The following SGCZ variants were observed in gnomAD, a reference collection of about 807,000 sequenced individuals.
The protein encoded by SGCZ is zeta-sarcoglycan.
In SGCZ, 40 loss-of-function variants were observed where a neutral mutation model predicts 41.3. The observed-to-expected ratio is 0.97, with a 90% confidence interval of 0.75 to 1.26. The LOEUF (loss-of-function observed/expected upper bound fraction) is 1.26, where lower values mean the gene tolerates loss of function less well. Among genes scored for constraint, SGCZ ranks in the 50% most tolerant of loss-of-function variants. The probability of loss-of-function intolerance (pLI) is 0.00; values close to 1 mark genes in which losing one functional copy is unlikely to be tolerated. For missense variants in SGCZ, 552 were observed against 369.8 expected, an observed-to-expected ratio of 1.49 and a Z score of -4.04; for synonymous variants, 206 against 137.5, an observed-to-expected ratio of 1.50 and a Z score of -3.49.
intron 1 of SGCZ, among the ~76,000 whole-genome samples, chr8:14,741,443 T>C (rs1304330731): frequency 1.3e-5 from 2 of 152,104 alleles, no homozygotes; most frequent in Non-Finnish European, 2.9e-5. Flanking sequence ...GACACTTTTG[T>C]TTGTTTTACG....
chr8:14,377,486 C>A (rs1343571384), intron 2 of SGCZ, among the ~76,000 whole-genome samples: 3 of 150,642 alleles, frequency 2.0e-5, no homozygotes, highest in Admixed American at 6.6e-5. Context: ...ATCCTGAGAA[C>A]CCTTGATTTT....
intron 1 of SGCZ, among the ~76,000 whole-genome samples, chr8:14,789,644 G>C (rs1322404301): frequency 2.0e-5 from 3 of 152,028 alleles, no homozygotes; most frequent in Non-Finnish European, 4.4e-5. Flanking sequence ...CTTCCTCTCT[G>C]ACCCAGGACC....
intron 4 of SGCZ, among the ~76,000 whole-genome samples, chr8:14,177,963 T>TTTTTTTTTCTTTTTC (rs1804603479): frequency 2.4e-4 from 1 of 4,248 alleles, no homozygotes; most frequent in Non-Finnish European, 5.1e-4. Context: ...TTTTTCTTTT[T>TTTTTTTTTCTTTTTC]TTTTTTTTTT....
intron 4 of SGCZ, among the ~76,000 whole-genome samples, chr8:14,234,658 C>T (rs1806691860): frequency 6.6e-6 from 1 of 151,796 alleles, no homozygotes; most frequent in Non-Finnish European, 1.5e-5. Context: ...AGGCCATACA[C>T]ATAAAAACTG....
At chr8:14,972,776 G>A (rs1001628421) in intron 1 of SGCZ, among the ~76,000 whole-genome samples, 7 of 151,978 alleles carry the variant, frequency 4.6e-5, no homozygotes, top group East Asian at 1.9e-4. Flanking sequence ...GATAGCATAC[G>A]TCCATATCTG....
chr8:14,505,809 T>C (rs1173210594), intron 2 of SGCZ, among the ~76,000 whole-genome samples: 1 of 152,090 alleles, frequency 6.6e-6, no homozygotes, highest in African/African-American at 2.4e-5. Context: ...CTGGTCCCCA[T>C]ACTATAATGG....
chr8:14,359,155 C>A lies in SGCZ; in HGVS notation c.235-34951G>T, dbSNP rs1013324358. Reference sequence around the variant, plus strand: ...CAAGAAGACTATAGAACAGATTTAACCCAAATAAGAGTACGTGAAGATAAT... The same window carrying A: ...CAAGAAGACTATAGAACAGATTTAAACCAAATAAGAGTACGTGAAGATAAT... On this transcript the variant is annotated intron_variant, in intron 2 of 7. Coordinates refer to ENST00000382080, the MANE Select transcript of SGCZ (RefSeq NM_139167.4). Among the ~76,000 whole-genome samples, 11 of 151,898 alleles carry A rather than the reference C, an allele frequency of 7.2e-5. 2 individuals are homozygous for A. Among genetic ancestry groups the A allele is most frequent in the African/African-American group, 2.7e-4 (11 of 41,408 alleles).
intron 2 of SGCZ, among the ~76,000 whole-genome samples, chr8:14,389,385 T>G (rs183458850): frequency 7.4e-5 from 11 of 148,330 alleles, no homozygotes; most frequent in African/African-American, 2.5e-4. Context: ...ATGTTCAAAG[T>G]AGAAAATAAT....
At chr8:14,730,041 G>A (rs1236389283) in intron 1 of SGCZ, among the ~76,000 whole-genome samples, 8 of 152,146 alleles carry the variant, frequency 5.3e-5, no homozygotes, top group Non-Finnish European at 1.2e-4. Context: ...AGCCGAGATC[G>A]TGCCAGGGCA....
chr8:14,904,892 A>G (rs13256990), intron 1 of SGCZ, among the ~76,000 whole-genome samples: 81,957 of 151,576 alleles, frequency 0.54, 22,607 homozygotes, highest in African/African-American at 0.64. Context: ...ACCATTCTTT[A>G]TCTTTCAACT....
At chr8:14,681,117 CACA>C (rs1368214236) in intron 1 of SGCZ, among the ~76,000 whole-genome samples, 1 of 151,848 alleles carries the variant, frequency 6.6e-6, no homozygotes, top group African/African-American at 2.4e-5. Context: ...AAAACAGGCC[CACA>C]ACAACTGTAA....
rs117798609 is a variant in SGCZ, at chr8:14,259,202, T to G, written c.337-21523A>C. ...TTTATGCCATAGATAAAATACCTAC[T>G]GAGTTAATTAAAAACACACATGAAT... On this transcript the variant is annotated intron_variant, in intron 3 of 7. Coordinates refer to ENST00000382080, the MANE Select transcript of SGCZ (RefSeq NM_139167.4). Among the ~76,000 whole-genome samples, 537 of 152,302 alleles carry G rather than the reference T, an allele frequency of 3.5e-3. 18 individuals are homozygous for G. The East Asian group carries it at 0.054, about 15-fold the overall frequency.
chr8:14,363,644 A>C (rs940029557), intron 2 of SGCZ, among the ~76,000 whole-genome samples: 17 of 152,100 alleles, frequency 1.1e-4, no homozygotes, highest in Non-Finnish European at 2.1e-4. Flanking sequence ...AAAAGTAAGG[A>C]GCATTCAATC....
At chr8:14,965,802 T>C (rs950879974) in intron 1 of SGCZ, among the ~76,000 whole-genome samples, 1 of 152,150 alleles carries the variant, frequency 6.6e-6, no homozygotes, top group African/African-American at 2.4e-5. Flanking sequence ...CCAATGCTAG[T>C]AAGTACATAT....
intron 2 of SGCZ, among the ~76,000 whole-genome samples, chr8:14,483,155 A>T (rs1801580475): frequency 6.6e-6 from 1 of 152,162 alleles, no homozygotes; most frequent in Admixed American, 6.5e-5. Flanking sequence ...GCTTCCCTCA[A>T]TAGCCTGACT....
chr8:14,378,069 A>G lies in SGCZ; in HGVS notation c.235-53865T>C, dbSNP rs943634731. 2.1e-3 allele frequency among the ~76,000 whole-genome samples: 315 copies of G among 150,008 alleles called. 2 individuals are homozygous for G. Among genetic ancestry groups the G allele is most frequent in the African/African-American group, 3.6e-3 (143 of 40,142 alleles). On this transcript the variant is annotated intron_variant, in intron 2 of 7. Transcript: ENST00000382080. ...CAGTAATGGGATGGCTGGGTCAAAT[A>G]GTATTTCTAGTTCTAGATCCCTGAG...
intron 1 of SGCZ, among the ~76,000 whole-genome samples, chr8:15,151,269 G>C (rs1799172159): frequency 6.6e-6 from 1 of 152,176 alleles, no homozygotes. Flanking sequence ...CTCCAAGAGA[G>C]ACCATGAGCC....
intron 2 of SGCZ, among the ~76,000 whole-genome samples, chr8:14,538,765 C>T (rs1049934443): frequency 6.6e-6 from 1 of 151,762 alleles, no homozygotes; most frequent in Non-Finnish European, 1.5e-5. Flanking sequence ...GTAAAAGATG[C>T]TATATGCTGT....
intron 1 of SGCZ, among the ~76,000 whole-genome samples, chr8:14,858,136 C>T (rs1803604015): frequency 6.6e-6 from 1 of 151,900 alleles, no homozygotes. Context: ...GCTTTTTGAT[C>T]TTGACAACCC....
Sources: gnomAD v4.1 joint callset for allele counts (sites outside exome capture counted in the v4.1 genomes callset) on GRCh38, gnomAD v4.1.1 for gene constraint, MANE v1.5 for transcripts, NCBI Gene and HGNC (gene_info 2026-07-23, HGNC 2026-07-21) for gene names.